Variants in MSRA observed in about 807,000 individuals in gnomAD.
The protein encoded by MSRA is methionine sulfoxide reductase A, also known as mitochondrial peptide methionine sulfoxide reductase.
MSRA carries 54 observed loss-of-function variants against 31.3 expected under a neutral mutation model. That is an observed-to-expected ratio of 1.73 (90% CI 1.39 to 2.17). MSRA has a LOEUF of 2.17. Among genes scored for constraint, MSRA ranks in the 30% most tolerant of loss-of-function variants. MSRA has a pLI of 0.00. For synonymous variants in MSRA, 169 were observed against 116.5 expected (o/e 1.45, Z -2.90); for missense variants, 507 against 300.9 (o/e 1.69, Z -5.07).
intron 5 of MSRA, among the ~76,000 whole-genome samples, chr8:10,377,069 A>G (rs896349175): frequency 1.3e-5 from 2 of 152,236 alleles, no homozygotes; most frequent in Non-Finnish European, 2.9e-5. Context: ...GGGGCTACAA[A>G]GTTATGCACT....
intron 1 of MSRA, among the ~76,000 whole-genome samples, chr8:10,118,747 G>A (rs965255430): frequency 1.4e-4 from 21 of 152,216 alleles, no homozygotes; most frequent in African/African-American, 4.6e-4. Flanking sequence ...ACTTCTACAC[G>A]TCCCTCAAAA....
intron 2 of MSRA, among the ~76,000 whole-genome samples, chr8:10,211,856 C>G (rs17151350): frequency 0.04 from 6,121 of 152,134 alleles, 215 homozygotes; most frequent in East Asian, 0.14. Flanking sequence ...TGCAGAAGTG[C>G]TTGTTCTCAG....
rs576325165 is a variant in MSRA, at chr8:10,334,865, C to G, written c.543+14876C>G. On this transcript the variant is annotated intron_variant, in intron 5 of 5. Transcript: ENST00000317173. ...TCCAGCGCGCCACCCCTCCCCCGCT[C>G]TGGCCGCTCCCGTCTGCCCCGCTGC... 4.5e-4 allele frequency among the ~76,000 whole-genome samples: 68 copies of G among 152,394 alleles called. No individual in the cohort carries two copies. The South Asian group carries it at 5.4e-3, about 12-fold the overall frequency.
chr8:10,271,480 G>C (rs1414184565), intron 3 of MSRA, among the ~76,000 whole-genome samples: 1 of 9,822 alleles, frequency 1.0e-4, no homozygotes, highest in African/African-American at 2.3e-4. Flanking sequence ...AACTTTTTTA[G>C]GGTGACAATA....
At chr8:10,165,981 G>A (rs1218036554) in intron 1 of MSRA, among the ~76,000 whole-genome samples, 1 of 152,212 alleles carries the variant, frequency 6.6e-6, no homozygotes, top group Non-Finnish European at 1.5e-5. Flanking sequence ...ACTTGGCAGT[G>A]ATTCCAGAGT....
At chr8:10,280,852 A>G (rs943822106) in intron 3 of MSRA, among the ~76,000 whole-genome samples, 1 of 152,260 alleles carries the variant, frequency 6.6e-6, no homozygotes, top group Non-Finnish European at 1.5e-5. Context: ...TAATGCACAC[A>G]ACAACATGGT....
At chr8:10,342,828 G>T (rs1420810094) in intron 5 of MSRA, among the ~76,000 whole-genome samples, 1 of 152,242 alleles carries the variant, frequency 6.6e-6, no homozygotes, top group African/African-American at 2.4e-5. Context: ...TAGGGACCAG[G>T]CTCCGGTGAA....
chr8:10,194,881 G>A lies in MSRA; in HGVS notation c.143-12952G>A, dbSNP rs547717888. ...TCCAGGTGTTCACTGGGGGAGCAAA[G>A]ACTGGAGATGTTTAAAATATTTTTT... On this transcript the variant is annotated intron_variant, in intron 1 of 5. Transcript: ENST00000317173. Among the ~76,000 whole-genome samples, 7 of 152,308 alleles carry A rather than the reference G, an allele frequency of 4.6e-5. No homozygotes were observed. In the South Asian group the frequency reaches 8.3e-4, roughly 18 times the overall value.
At chr8:10,416,872 C>T (rs1808492408) in intron 5 of MSRA, among the ~76,000 whole-genome samples, 1 of 152,240 alleles carries the variant, frequency 6.6e-6, no homozygotes, top group Non-Finnish European at 1.5e-5. Flanking sequence ...TCCTCCCCGT[C>T]CTCTGCAGAG....
At chr8:10,110,709 C>T (rs1302509835) in intron 1 of MSRA, among the ~76,000 whole-genome samples, 1 of 152,238 alleles carries the variant, frequency 6.6e-6, no homozygotes, top group African/African-American at 2.4e-5. Context: ...CCCAGGCTGG[C>T]TGACCTGTGC....
At chr8:10,328,798 A>G (rs924079684) in intron 5 of MSRA, among the ~76,000 whole-genome samples, 3 of 152,190 alleles carry the variant, frequency 2.0e-5, no homozygotes, top group African/African-American at 7.2e-5. Flanking sequence ...GGGACTCACT[A>G]TGAGAACCAC....
chr8:10,264,029 CT>C (rs1246701504), intron 3 of MSRA, among the ~76,000 whole-genome samples: 3 of 152,098 alleles, frequency 2.0e-5, no homozygotes, highest in Admixed American at 6.5e-5. Context: ...TGTGTGTCTA[CT>C]TGTCATGAAA....
intron 5 of MSRA, among the ~76,000 whole-genome samples, chr8:10,363,594 G>T (rs1400279730): frequency 1.3e-5 from 2 of 152,128 alleles, no homozygotes; most frequent in African/African-American, 2.4e-5. Context: ...ATCTACATCT[G>T]CGTAACCTTC....
At chr8:10,072,107 C>G (rs1335689084) in intron 1 of MSRA, among the ~76,000 whole-genome samples, 11 of 152,056 alleles carry the variant, frequency 7.2e-5, no homozygotes, top group Non-Finnish European at 1.5e-4. Flanking sequence ...TGCCATGTGA[C>G]ACACACCCTT....
chr8:10,278,054 G>A (rs2952259), intron 3 of MSRA, among the ~76,000 whole-genome samples: 2 of 151,890 alleles, frequency 1.3e-5, no homozygotes, highest in Non-Finnish European at 2.9e-5. Context: ...CTGTAATGTC[G>A]ATGCTCGCTG....
At chr8:10,351,904 C>T (rs1804175066) in intron 5 of MSRA, among the ~76,000 whole-genome samples, 1 of 152,220 alleles carries the variant, frequency 6.6e-6, no homozygotes, top group South Asian at 2.1e-4. Context: ...TCTCTGGACC[C>T]TGGCTGTCCG....
At chr8:10,323,009 G>C (rs1358841765) in intron 5 of MSRA, among the ~76,000 whole-genome samples, 3 of 146,578 alleles carry the variant, frequency 2.0e-5, no homozygotes, top group Admixed American at 7.1e-5. Context: ...AGAAATGCTT[G>C]AACCCAGGAA....
chr8:10,242,242 G>T (rs1170007916), intron 2 of MSRA, among the ~76,000 whole-genome samples: 1 of 150,098 alleles, frequency 6.7e-6, no homozygotes, highest in Non-Finnish European at 1.5e-5. Flanking sequence ...CTGAACTCCA[G>T]CCTGGGTGAC....
At chr8:10,152,473 A>G (rs548077624) in intron 1 of MSRA, among the ~76,000 whole-genome samples, 45 of 152,306 alleles carry the variant, frequency 3.0e-4, no homozygotes, top group African/African-American at 9.9e-4. Context: ...GATCTGAATC[A>G]CAAGGCAATT....
Sources: gnomAD v4.1 joint callset for allele counts (sites outside exome capture counted in the v4.1 genomes callset) on GRCh38, gnomAD v4.1.1 for gene constraint, MANE v1.5 for transcripts, NCBI Gene and HGNC (gene_info 2026-07-23, HGNC 2026-07-21) for gene names.